SLCO2A1: variants seen among roughly 807,000 people sequenced by gnomAD.
SLCO2A1 encodes the protein matrin F/G 1.
SLCO2A1 carries 60 observed loss-of-function variants against 71.7 expected under a neutral mutation model. The observed-to-expected ratio is 0.84, with a 90% CI of 0.68 to 1.04. SLCO2A1 has a LOEUF of 1.04. Among genes scored for constraint, SLCO2A1 ranks in the 50% least tolerant of loss-of-function variants. The pLI is 0.00. For synonymous variants in SLCO2A1, 308 were observed against 326.7 expected (o/e 0.94, Z 0.62); for missense variants, 745 against 813.4 (o/e 0.92, Z 1.02).
In SLCO2A1 at chr3:133,951,347, G is replaced by T. The variant is rs1052543937; in HGVS notation, c.725-3C>A. The T allele has an allele frequency of 6.2e-7, 1 of 1,613,986 alleles. No homozygotes were observed. The highest frequency in any genetic ancestry group is 1.1e-5 in the South Asian group (1 of 91,068). ...ACCCGGGACCAAGTTAACTGCAGCT[G>T]AAGAGAAAACGAAGAGTGCAAATGT... On this transcript the variant is annotated splice_region_variant and splice_polypyrimidine_tract_variant and intron_variant, in intron 5 of 13. Transcript: ENST00000310926.
At chr3:134,026,460 G>A (rs776791741) in intron 1 of SLCO2A1, among the ~76,000 whole-genome samples, 5 of 151,954 alleles carry the variant, frequency 3.3e-5, no homozygotes, top group Admixed American at 2.6e-4. Flanking sequence ...AAAAACAGGC[G>A]AACTCCTGGG....
chr3:134,029,496 G>GCACACACACACGCTCACACA (rs1559964484), intron 1 of SLCO2A1, among the ~76,000 whole-genome samples: 2 of 115,788 alleles, frequency 1.7e-5, no homozygotes, highest in East Asian at 6.3e-4. Flanking sequence ...ACACTCGCAC[G>GCACACACACACGCTCACACA]CACACACACA....
At chr3:133,976,870 C>T (rs1450498300) in intron 2 of SLCO2A1, among the ~76,000 whole-genome samples, 3 of 152,188 alleles carry the variant, frequency 2.0e-5, no homozygotes, top group South Asian at 4.1e-4. Context: ...AGCCAAGTTG[C>T]TCCATGTCTT....
intron 1 of SLCO2A1, among the ~76,000 whole-genome samples, chr3:134,018,440 C>T (rs1460862033): frequency 1.3e-5 from 2 of 152,186 alleles, no homozygotes; most frequent in African/African-American, 4.8e-5. Context: ...TAGGCCAAGA[C>T]AAAGTAATTC....
At chr3:133,946,890 A>C (rs954058890) in intron 9 of SLCO2A1, among the ~76,000 whole-genome samples, 1 of 152,120 alleles carries the variant, frequency 6.6e-6, no homozygotes, top group African/African-American at 2.4e-5. Flanking sequence ...TGTGGCAGGC[A>C]GATCACTTGA....
chr3:133,945,048 G>T lies in SLCO2A1; in HGVS notation c.1461+47C>A, dbSNP rs368780714. ...TCTTTGAGGGCATGCGCTGAGCTCC[G>T]AGATCCTGTGGGGCTCCTCTTGCCT... On this transcript the variant is annotated intron_variant, in intron 10 of 13. Coordinates refer to ENST00000310926, the MANE Select transcript of SLCO2A1 (RefSeq NM_005630.3). 44 of 1,573,218 alleles carry T rather than the reference G, an allele frequency of 2.8e-5. No individual in the cohort carries two copies. In the Admixed American group the frequency reaches 5.8e-4, roughly 21 times the overall value.
chr3:134,009,865 C>T (rs1181580077), intron 1 of SLCO2A1, among the ~76,000 whole-genome samples: 3 of 152,176 alleles, frequency 2.0e-5, no homozygotes, highest in East Asian at 1.9e-4. Context: ...AATCTTAAGA[C>T]GGGGACTCCC....
chr3:133,934,543 C>G lies in SLCO2A1; in HGVS notation c.*170G>C, dbSNP rs1313144449. On this transcript the variant is annotated 3_prime_UTR_variant, in exon 14 of 14. Transcript: ENST00000310926. ...CCGGGTACACAGTGGCCCTTAGGAA[C>G]TGTGGGGAGGACTCTGGGAGGAAGA... The G allele has an allele frequency of 5.4e-6, 3 of 554,064 alleles. No individual in the cohort carries two copies. The African/African-American group carries it at 5.7e-5, about 11-fold the overall frequency. The allele number at this position is 554,064 out of a possible 1,614,324, so 34.3% of individuals were successfully genotyped here.
At chr3:133,993,104 G>T (rs2108065554) in intron 1 of SLCO2A1, among the ~76,000 whole-genome samples, 1 of 152,334 alleles carries the variant, frequency 6.6e-6, no homozygotes. Flanking sequence ...AAGGAGTTTT[G>T]CTCCTGCTGG....
chr3:133,982,458 G>A (rs898849127), intron 1 of SLCO2A1, among the ~76,000 whole-genome samples: 9 of 152,124 alleles, frequency 5.9e-5, no homozygotes, highest in Non-Finnish European at 8.8e-5. Context: ...TCTGCTAGAC[G>A]TATCCACCTG....
chr3:133,978,952 G>A (rs1392178232), intron 2 of SLCO2A1, among the ~76,000 whole-genome samples: 1 of 152,166 alleles, frequency 6.6e-6, no homozygotes, highest in African/African-American at 2.4e-5. Flanking sequence ...ATCTCTTCAG[G>A]GAGTCAAGGC....
chr3:134,017,402 G>A (rs1935477502), intron 1 of SLCO2A1, among the ~76,000 whole-genome samples: 1 of 152,130 alleles, frequency 6.6e-6, no homozygotes, highest in Non-Finnish European at 1.5e-5. Context: ...GGCTCATGAG[G>A]CCCCAGATTC....
In SLCO2A1 at chr3:133,978,588, C is replaced by A. The variant is rs1576443939; in HGVS notation, c.234+893G>T. 7.9e-5 allele frequency among the ~76,000 whole-genome samples: 12 copies of A among 152,186 alleles called. No homozygotes were observed. In the South Asian group the frequency reaches 2.5e-3, roughly 32 times the overall value. On this transcript the variant is annotated intron_variant, in intron 2 of 13. Transcript: ENST00000310926. ...AGCTGCCACAGGACAGGGGCCCGGG[C>A]TCTAAGTGACTGCACTGACTTGAAT...
rs372799022 is a variant in SLCO2A1, at chr3:133,942,852, T to C, written c.1462-84A>G. 6 of 1,390,954 alleles carry C rather than the reference T, an allele frequency of 4.3e-6. No individual in the cohort carries two copies. In the South Asian group the frequency reaches 6.0e-5, roughly 14 times the overall value. 86.2% of individuals were successfully genotyped at this position (1,390,954 alleles called of 1,614,324 possible). A position where few individuals can be genotyped will look rare whatever the true frequency, so the allele number is the denominator to read the frequency against. On this transcript the variant is annotated intron_variant, in intron 10 of 13. Transcript: ENST00000310926. ...CTTCAGACGTCTGCACCAGCTCTTGTTGGAGACTGAGGTTTCAACCCTTGT... is the reference window on the plus strand; with the variant it reads ...CTTCAGACGTCTGCACCAGCTCTTGCTGGAGACTGAGGTTTCAACCCTTGT...
chr3:133,938,591 C>T (rs1229974537), intron 11 of SLCO2A1, 98 bp from the exon 12 acceptor site: 3 of 1,082,436 alleles, frequency 2.8e-6, no homozygotes, highest in South Asian at 1.3e-5. Flanking sequence ...AGAACCAGCC[C>T]TGATGTGGCC....
At position 133,948,669 on chromosome 3, in the gene SLCO2A1, C is replaced by T. The variant is rs1559931702; in HGVS notation, c.972G>A (p.Met324Ile). The T allele has an allele frequency of 6.2e-7, 1 of 1,613,986 alleles. No individual in the cohort carries two copies. The highest frequency in any genetic ancestry group is 2.2e-5 in the East Asian group (1 of 44,888). ...RFPCIFLRLLMNSLFVLVVLA... is the reference protein window; with the variant it reads ...RFPCIFLRLLINSLFVLVVLA... ...GGACCACCAGGACGAAGAGTGAGTT[C>T]ATCAGGAGCCTCAGAAAGATGCATG... Residue 324 changes from methionine to isoleucine, a missense_variant, in exon 8 of 14, where the codon ATG becomes ATA. Physicochemically the swap from Met to Ile is conservative, Grantham distance 10. Transcript: ENST00000310926.
intron 1 of SLCO2A1, among the ~76,000 whole-genome samples, chr3:134,027,161 G>T (rs1935714594): frequency 6.6e-6 from 1 of 152,180 alleles, no homozygotes; most frequent in African/African-American, 2.4e-5. Flanking sequence ...ACTATTGAGT[G>T]AGAATCTCAA....
At position 133,945,118 on chromosome 3, in the gene SLCO2A1, T is replaced by G; in HGVS notation, c.1438A>C (p.Ser480Arg). The G allele has an allele frequency of 1.2e-6, 2 of 1,613,686 alleles. No individual in the cohort carries two copies. Among genetic ancestry groups the G allele is most frequent in the Non-Finnish European group, 1.7e-6 (2 of 1,179,768 alleles). The change falls in exon 10 of 14, where the codon AGC becomes CGC. Residue 480 changes from serine (S) to arginine (R), a missense_variant. Ser to Arg is a moderately radical substitution (Grantham distance 110). Transcript: ENST00000310926. ...ACCAGTTGCTTGGAGGTTGCAGAGC[T>G]CATGTTGATGTTGCTGCAGCCGGCA... ...CHAGCSNINM[S>R]SATSKQLIYL...
At chr3:134,007,499 C>G (rs1470997307) in intron 1 of SLCO2A1, among the ~76,000 whole-genome samples, 1 of 152,142 alleles carries the variant, frequency 6.6e-6, no homozygotes, top group Non-Finnish European at 1.5e-5. Flanking sequence ...CTATATAGGG[C>G]ATAAAGTAAG....
Sources: allele counts gnomAD v4.1 joint callset (sites outside exome capture counted in the v4.1 genomes callset), GRCh38; gene constraint gnomAD v4.1.1; transcripts MANE v1.5; gene names NCBI Gene and HGNC (gene_info 2026-07-23, HGNC 2026-07-21).